RIMS2: variants seen among roughly 807,000 people sequenced by gnomAD.
The protein encoded by RIMS2 is regulating synaptic membrane exocytosis 2.
A neutral mutation model predicts 174.4 loss-of-function variants in RIMS2; 59 were observed. The observed-to-expected ratio is 0.34, with a 90% CI of 0.27 to 0.42. The LOEUF is 0.42. Ranked by LOEUF, RIMS2 falls within the 10% of genes least tolerant of loss-of-function variation. The pLI is 1.00. For synonymous variants in RIMS2, 606 were observed against 572.5 expected, an observed-to-expected ratio of 1.06 and a Z score of -0.84; for missense variants, 1,620 against 1,666.3, an observed-to-expected ratio of 0.97 and a Z score of 0.48.
chr8:103,821,878 C>A (rs903304428), intron 3 of RIMS2, among the ~76,000 whole-genome samples: 26 of 151,286 alleles, frequency 1.7e-4, no homozygotes, highest in Admixed American at 3.3e-4. Context: ...ATCTCATATG[C>A]AAGAATTTAG....
intron 2 of RIMS2, among the ~76,000 whole-genome samples, chr8:103,755,256 C>T (rs1027903740): frequency 2.0e-5 from 3 of 152,064 alleles, no homozygotes; most frequent in African/African-American, 7.2e-5. Context: ...GAATATTGGC[C>T]CCCACTCCGT....
intron 3 of RIMS2, among the ~76,000 whole-genome samples, chr8:103,822,483 C>A (rs2098757962): frequency 6.6e-6 from 1 of 151,586 alleles, no homozygotes; most frequent in East Asian, 1.9e-4. Flanking sequence ...AATTAATTAA[C>A]TAATGATTAA....
intron 2 of RIMS2, among the ~76,000 whole-genome samples, chr8:103,749,745 C>T (rs2097862659): frequency 6.6e-6 from 1 of 151,908 alleles, no homozygotes; most frequent in East Asian, 1.9e-4. Context: ...ATTTTCAGGC[C>T]TTTTTTTGTG....
At chr8:103,832,412 C>T (rs183900728) in intron 3 of RIMS2, among the ~76,000 whole-genome samples, 1 of 152,110 alleles carries the variant, frequency 6.6e-6, no homozygotes, top group East Asian at 1.9e-4. Context: ...TTCAGGGGTG[C>T]ATGTGCAGAT....
chr8:103,580,553 A>G (rs944833273), intron 1 of RIMS2, among the ~76,000 whole-genome samples: 2 of 152,176 alleles, frequency 1.3e-5, no homozygotes, highest in African/African-American at 4.8e-5. Context: ...TCCCTAGTAC[A>G]TAAAGCAAAC....
chr8:103,941,100 G>A (rs1043005168), intron 13 of RIMS2, among the ~76,000 whole-genome samples: 1 of 152,108 alleles, frequency 6.6e-6, no homozygotes, highest in Non-Finnish European at 1.5e-5. Context: ...GTTAATATGA[G>A]AATTAAATAA....
intron 1 of RIMS2, among the ~76,000 whole-genome samples, chr8:103,623,624 A>G (rs1483760037): frequency 1.3e-5 from 2 of 150,884 alleles, no homozygotes; most frequent in Admixed American, 1.3e-4. Context: ...AGCTGGGACT[A>G]CAGGCGCCCG....
chr8:103,629,286 T>C (rs1248652927), intron 1 of RIMS2, among the ~76,000 whole-genome samples: 1 of 152,196 alleles, frequency 6.6e-6, no homozygotes, highest in Non-Finnish European at 1.5e-5. Context: ...ATTTTTATAA[T>C]CTGCATATGA....
intron 19 of RIMS2, chr8:104,223,613 C>T (rs1468007827): frequency 1.9e-6 from 3 of 1,549,740 alleles, no homozygotes; most frequent in Admixed American, 1.9e-5. Context: ...CAAGACGCCG[C>T]GTATCTTGTA....
chr8:103,800,223 A>AT (rs1044359861), intron 3 of RIMS2, among the ~76,000 whole-genome samples: 7 of 149,596 alleles, frequency 4.7e-5, no homozygotes, highest in Admixed American at 2.7e-4. Flanking sequence ...CCACACTGTA[A>AT]TTTTTTTTTT....
chr8:103,842,460 T>G (rs1471958580), intron 3 of RIMS2, among the ~76,000 whole-genome samples: 1 of 151,994 alleles, frequency 6.6e-6, no homozygotes, highest in Non-Finnish European at 1.5e-5. Context: ...TAAGAAACAC[T>G]AAGTAAATAA....
intron 19 of RIMS2, among the ~76,000 whole-genome samples, chr8:104,243,897 A>G (rs2099316545): frequency 6.6e-6 from 1 of 152,150 alleles, no homozygotes; most frequent in African/African-American, 2.4e-5. Flanking sequence ...ATTTGGGCTC[A>G]GTTTTTTGTG....
chr8:103,911,948 G>C lies in RIMS2; in HGVS notation c.1693-105G>C, dbSNP rs1175529067. 7.1e-6 allele frequency: 6 copies of C among 839,736 alleles called. No homozygotes were observed. The South Asian group carries it at 8.6e-5, about 12-fold the overall frequency. The allele number at this position is 839,736 out of a possible 1,614,324, so 52.0% of individuals were successfully genotyped here. A position where few individuals can be genotyped will look rare whatever the true frequency, so the allele number is the denominator to read the frequency against. On this transcript the variant is annotated intron_variant, in intron 5 of 23. Transcript: ENST00000504942. ...GTAATCATAACACTGAAATTCTGAA[G>C]TTTAGAGAGGTCGTACAATCAGAGA...
chr8:103,916,129 G>C (rs1282995819), intron 7 of RIMS2, among the ~76,000 whole-genome samples: 1 of 151,968 alleles, frequency 6.6e-6, no homozygotes, highest in Non-Finnish European at 1.5e-5. Context: ...CTTTAAGGAG[G>C]CAACTGATTT....
chr8:104,101,931 G>A (rs1482601495), intron 19 of RIMS2, among the ~76,000 whole-genome samples: 1 of 151,972 alleles, frequency 6.6e-6, no homozygotes, highest in Non-Finnish European at 1.5e-5. Context: ...CATACACTCT[G>A]GCCACCTCTG....
intron 19 of RIMS2, among the ~76,000 whole-genome samples, chr8:104,188,240 TA>T (rs1353296544): frequency 7.2e-6 from 1 of 138,906 alleles, no homozygotes; most frequent in African/African-American, 2.9e-5. Context: ...GATAGATAGA[TA>T]GATAGATAGA....
chr8:103,570,533 A>T (rs1030021275), intron 1 of RIMS2, among the ~76,000 whole-genome samples: 17 of 152,066 alleles, frequency 1.1e-4, no homozygotes, highest in Admixed American at 1.0e-3. Flanking sequence ...GAGATTGTAA[A>T]TGTGTTTAGG....
intron 19 of RIMS2, among the ~76,000 whole-genome samples, chr8:104,034,072 C>T (rs1191399259): frequency 6.6e-6 from 1 of 152,130 alleles, no homozygotes; most frequent in Admixed American, 6.5e-5. Flanking sequence ...GTTAATGGGG[C>T]AAACTTGTGG....
chr8:103,829,759 T>TC (rs202220821), intron 3 of RIMS2, among the ~76,000 whole-genome samples: 3,402 of 152,226 alleles, frequency 0.022, 61 homozygotes, highest in Middle Eastern at 0.065. Context: ...TCAGGTACTA[T>TC]GCTCATTACA....
Sources: allele counts gnomAD v4.1 joint callset (sites outside exome capture counted in the v4.1 genomes callset), GRCh38; gene constraint gnomAD v4.1.1; transcripts MANE v1.5; gene names NCBI Gene and HGNC (gene_info 2026-07-23, HGNC 2026-07-21).